The following LRMDA variants were observed in gnomAD, a reference collection of about 807,000 sequenced individuals.
LRMDA encodes leucine rich melanocyte differentiation associated.
A neutral mutation model predicts 29.8 loss-of-function variants in LRMDA; 18 were observed. That is an observed-to-expected ratio of 0.60 (90% CI 0.42 to 0.90). The LOEUF (loss-of-function observed/expected upper bound fraction) is 0.90. LRMDA is among the 40% of genes least tolerant of loss of function. The pLI, the probability that LRMDA is intolerant of heterozygous loss-of-function variation, is 0.00. For synonymous variants in LRMDA, 125 were observed against 109.4 expected (o/e 1.14, Z -0.89); for missense variants, 273 against 273.9 (o/e 1.00, Z 0.02).
chr10:76,408,600 A>G (rs1355824497), intron 6 of LRMDA, among the ~76,000 whole-genome samples: 1 of 152,234 alleles, frequency 6.6e-6, no homozygotes, highest in Non-Finnish European at 1.5e-5. Flanking sequence ...TTCACTAAAT[A>G]AGAGCTGTAA....
chr10:75,960,731 A>G (rs1846750085), intron 2 of LRMDA, among the ~76,000 whole-genome samples: 1 of 152,182 alleles, frequency 6.6e-6, no homozygotes, highest in African/African-American at 2.4e-5. Flanking sequence ...CTTCTGCCTC[A>G]GCCTCCTGAG....
rs978761643 is a variant in LRMDA at position 75,432,609 on chromosome 10, C to G, written c.30+855C>G. ...CTTACTTCCCACCTTTCCCTGCACACCCTGGAGAAATAGTTCTGAGTTTTT... is the reference window on the plus strand; with the variant it reads ...CTTACTTCCCACCTTTCCCTGCACAGCCTGGAGAAATAGTTCTGAGTTTTT... On this transcript the variant is annotated intron_variant, in intron 1 of 6. Coordinates refer to ENST00000611255, the MANE Select transcript of LRMDA (RefSeq NM_001305581.2). Among the ~76,000 whole-genome samples, 4 of 152,364 alleles carry G rather than the reference C, an allele frequency of 2.6e-5. No individual in the cohort carries two copies. The East Asian group carries it at 7.7e-4, about 29-fold the overall frequency.
rs537203887 is a variant in LRMDA, at chr10:75,579,089, A to T, written c.131+140595A>T. On this transcript the variant is annotated intron_variant, in intron 2 of 6. Coordinates refer to ENST00000611255, the MANE Select transcript of LRMDA (RefSeq NM_001305581.2). ...TCAGAGCAGAGCAGAACTGAAGGAG[A>T]TAGAGACACGAAAAACCCTTCAAAA... Among the ~76,000 whole-genome samples the T allele has an allele frequency of 8.5e-5, 13 of 152,330 alleles. No homozygotes were observed. In the South Asian group the frequency reaches 2.3e-3, roughly 27 times the overall value.
intron 2 of LRMDA, among the ~76,000 whole-genome samples, chr10:75,575,293 C>T (rs947047397): frequency 1.3e-5 from 2 of 152,210 alleles, no homozygotes; most frequent in African/African-American, 4.8e-5. Flanking sequence ...GTCCTTCTCA[C>T]ATTTTGAAAT....
At chr10:75,806,822 A>AC (rs71024571) in intron 2 of LRMDA, among the ~76,000 whole-genome samples, 54,997 of 147,620 alleles carry the variant, frequency 0.37, 12,198 homozygotes, top group South Asian at 0.5. Flanking sequence ...AAAAAAAAAA[A>AC]AAAAACCACA....
chr10:75,843,369 G>T (rs1844574699), intron 2 of LRMDA, among the ~76,000 whole-genome samples: 1 of 152,192 alleles, frequency 6.6e-6, no homozygotes, highest in Non-Finnish European at 1.5e-5. Context: ...TAGGAAGCTG[G>T]GTTTGAGTTC....
chr10:76,425,150 T>C (rs1001153132), intron 6 of LRMDA, among the ~76,000 whole-genome samples: 3 of 152,194 alleles, frequency 2.0e-5, no homozygotes, highest in African/African-American at 7.2e-5. Flanking sequence ...ATTTCCACTA[T>C]AACAGATCGC....
intron 6 of LRMDA, among the ~76,000 whole-genome samples, chr10:76,504,375 A>T (rs914472930): frequency 1.3e-5 from 2 of 151,778 alleles, no homozygotes; most frequent in African/African-American, 4.8e-5. Flanking sequence ...TTAAATCCAT[A>T]ATTTTTTTGT....
At chr10:75,832,877 C>A (rs184082170) in intron 2 of LRMDA, among the ~76,000 whole-genome samples, 2 of 152,314 alleles carry the variant, frequency 1.3e-5, no homozygotes, top group African/African-American at 4.8e-5. Context: ...CGAGAAAGAC[C>A]TGCCCCCATG....
chr10:75,537,797 T>C (rs1168671151), intron 2 of LRMDA, among the ~76,000 whole-genome samples: 1 of 152,162 alleles, frequency 6.6e-6, no homozygotes, highest in African/African-American at 2.4e-5. Flanking sequence ...GTTTTTCCCC[T>C]CCTTTCTAGA....
chr10:76,441,556 G>A (rs1842303160), intron 6 of LRMDA, among the ~76,000 whole-genome samples: 1 of 152,146 alleles, frequency 6.6e-6, no homozygotes, highest in Non-Finnish European at 1.5e-5. Flanking sequence ...CACACATAAA[G>A]TACGGTCATT....
chr10:76,219,738 A>G (rs1474401184), intron 5 of LRMDA, among the ~76,000 whole-genome samples: 2 of 152,174 alleles, frequency 1.3e-5, no homozygotes, highest in Non-Finnish European at 2.9e-5. Flanking sequence ...ATACCCAGGA[A>G]TTGAACTCAG....
intron 2 of LRMDA, among the ~76,000 whole-genome samples, chr10:75,691,312 G>A (rs1842154311): frequency 2.0e-5 from 3 of 150,608 alleles, no homozygotes; most frequent in South Asian, 4.2e-4. Context: ...TTTTGTGTGT[G>A]CATGCCACTT....
intron 2 of LRMDA, among the ~76,000 whole-genome samples, chr10:75,771,993 G>T (rs1325994143): frequency 1.3e-5 from 2 of 152,124 alleles, no homozygotes. Context: ...AAAGCAGTAT[G>T]TAATAGTAAA....
intron 5 of LRMDA, among the ~76,000 whole-genome samples, chr10:76,314,148 A>G (rs1369029468): frequency 1.3e-5 from 2 of 152,254 alleles, no homozygotes; most frequent in African/African-American, 4.8e-5. Flanking sequence ...AGAACATCCT[A>G]TCTATAAATA....
intron 5 of LRMDA, among the ~76,000 whole-genome samples, chr10:76,323,852 C>T (rs1375813868): frequency 6.6e-6 from 1 of 152,198 alleles, no homozygotes; most frequent in Admixed American, 6.5e-5. Flanking sequence ...AGACGTATTT[C>T]TCACTGCTGT....
At position 76,295,315 on chromosome 10, in the gene LRMDA, A is replaced by G. The variant is rs936693835; in HGVS notation, c.517-29086A>G. Reference sequence around the variant, plus strand: ...ATTTTTGTAAGGCATTGTAGAAGAGATGTCTACGTCTGTGTGGGAAGCTGG... The same window carrying G: ...ATTTTTGTAAGGCATTGTAGAAGAGGTGTCTACGTCTGTGTGGGAAGCTGG... On this transcript the variant is annotated intron_variant, in intron 5 of 6. Transcript: ENST00000611255. Among the ~76,000 whole-genome samples, 11 of 152,188 alleles carry G rather than the reference A, an allele frequency of 7.2e-5. 1 individual carries two copies. The highest frequency in any genetic ancestry group is 6.5e-4 in the Admixed American group (10 of 15,282).
intron 2 of LRMDA, among the ~76,000 whole-genome samples, chr10:75,792,095 G>T (rs1843576793): frequency 6.6e-6 from 1 of 151,716 alleles, no homozygotes; most frequent in South Asian, 2.1e-4. Flanking sequence ...TCCTGACCTC[G>T]TGATCCCCCG....
intron 2 of LRMDA, among the ~76,000 whole-genome samples, chr10:75,475,402 TG>T (rs11300142): frequency 0.46 from 70,424 of 151,856 alleles, 18,715 homozygotes; most frequent in African/African-American, 0.74. Context: ...GGGGCTGTTT[TG>T]GGGGTAAGCC....
Sources: allele counts gnomAD v4.1 joint callset (sites outside exome capture counted in the v4.1 genomes callset), GRCh38; gene constraint gnomAD v4.1.1; transcripts MANE v1.5; gene names NCBI Gene and HGNC (gene_info 2026-07-23, HGNC 2026-07-21).